The following CASS4 variants were observed in gnomAD, a reference collection of about 807,000 sequenced individuals.
The protein encoded by CASS4 is Cas scaffold protein family member 4, also known as cas scaffolding protein family member 4.
CASS4 carries 22 observed loss-of-function variants against 54.2 expected under a neutral mutation model. The observed-to-expected ratio is 0.41, with a 90% CI of 0.29 to 0.58. CASS4 has a LOEUF of 0.58. Among genes scored for constraint, CASS4 ranks in the 20% least tolerant of loss-of-function variants. The probability of loss-of-function intolerance (pLI) is 0.36; values close to 1 mark genes in which losing one functional copy is unlikely to be tolerated. For missense variants in CASS4, 854 were observed against 986.7 expected (o/e 0.87, Z 1.80); for synonymous variants, 409 against 391.5 (o/e 1.04, Z -0.53).
At chr20:56,441,196 G>C (rs1462502311) in intron 2 of CASS4, among the ~76,000 whole-genome samples, 1 of 151,462 alleles carries the variant, frequency 6.6e-6, no homozygotes, top group African/African-American at 2.4e-5. Context: ...GTTTCGCCAT[G>C]TTGGCCAGGC....
intron 1 of CASS4, among the ~76,000 whole-genome samples, chr20:56,423,030 G>A (rs929001706): frequency 1.3e-5 from 2 of 152,138 alleles, no homozygotes; most frequent in Non-Finnish European, 2.9e-5. Context: ...CCCCATGGCT[G>A]GGGTGGCAGG....
chr20:56,448,531 A>T (rs1009389969), intron 3 of CASS4, among the ~76,000 whole-genome samples: 1 of 152,066 alleles, frequency 6.6e-6, no homozygotes, highest in South Asian at 2.1e-4. Flanking sequence ...TCCCATGGGA[A>T]CACTTGATGG....
At chr20:56,420,818 T>A (rs1291407187) in intron 1 of CASS4, among the ~76,000 whole-genome samples, 2 of 152,052 alleles carry the variant, frequency 1.3e-5, no homozygotes, top group Non-Finnish European at 2.9e-5. Flanking sequence ...GTGAGGTGAA[T>A]TGCCAGCCAC....
At chr20:56,433,721 T>C (rs1157152404) in intron 1 of CASS4, among the ~76,000 whole-genome samples, 1 of 152,176 alleles carries the variant, frequency 6.6e-6, no homozygotes, top group African/African-American at 2.4e-5. Context: ...TTCAATGTCA[T>C]CTCATACACT....
upstream of CASS4, chr20:56,412,163 A>G: frequency 2.3e-6 from 1 of 430,252 alleles, no homozygotes; most frequent in Non-Finnish European, 4.2e-6. The surrounding 1 kb of genome is among the most constrained non-coding windows in gnomAD (Gnocchi z 4.2). Flanking sequence ...TCACATAGCA[A>G]ATGAGTGACA....
rs781391496 is a variant in CASS4 at position 56,452,039 on chromosome 20, G to A, written c.863G>A (p.Arg288Lys). 3 of 1,614,126 alleles carry A rather than the reference G, an allele frequency of 1.9e-6. No individual in the cohort carries two copies. Among genetic ancestry groups the A allele is most frequent in the Non-Finnish European group, 2.5e-6 (3 of 1,180,018 alleles). ...TFYNPPSGRSRSLTPQLNNNV... is the reference protein window; with the variant it reads ...TFYNPPSGRSKSLTPQLNNNV... ...TACAATCCTCCAAGTGGCAGATCCA[G>A]GTCCCTCACTCCACAACTGAATAAC... The change falls in exon 5 of 6, where the codon AGG (arginine) becomes AAG (lysine). Residue 288 changes from arginine (R) to lysine (K), a missense_variant. By Grantham distance (26) the Arg-to-Lys change is conservative (BLOSUM62 2). Coordinates refer to ENST00000679887, the MANE Select transcript of CASS4 (RefSeq NM_020356.4).
At chr20:56,424,756 A>AAAAAT (rs1979563039) in intron 1 of CASS4, among the ~76,000 whole-genome samples, 1 of 151,716 alleles carries the variant, frequency 6.6e-6, no homozygotes, top group South Asian at 2.1e-4. Flanking sequence ...AAAAAAAAAA[A>AAAAAT]AAAAAAATCA....
intron 1 of CASS4, among the ~76,000 whole-genome samples, chr20:56,433,030 A>C (rs62209422): frequency 3.9e-5 from 6 of 152,230 alleles, no homozygotes; most frequent in Non-Finnish European, 7.3e-5. Context: ...TTCATTCATT[A>C]ATTCAACAAG....
At chr20:56,416,321 A>G (rs1239578734) in intron 1 of CASS4, among the ~76,000 whole-genome samples, 8 of 152,218 alleles carry the variant, frequency 5.3e-5, no homozygotes. Context: ...AAGTGCTGGG[A>G]TTACAGGCGT....
Position 56,437,123 on chromosome 20 carries a change from G to A in CASS4, c.37-41G>A, listed in dbSNP as rs746148078. ...GATTGGAGTAGCAGTCACTGGCCACGGTGCTAACTGCAAATTCTCTTCTCC... is the reference window on the plus strand; with the variant it reads ...GATTGGAGTAGCAGTCACTGGCCACAGTGCTAACTGCAAATTCTCTTCTCC... On this transcript the variant is annotated intron_variant, in intron 1 of 5. Transcript: ENST00000679887. This position sits in a 1 kb window ranked among gnomAD's most constrained non-coding sequence, Gnocchi z 4.7. 34 of 1,498,516 alleles carry A rather than the reference G, an allele frequency of 2.3e-5. No homozygotes were observed. Among genetic ancestry groups the A allele is most frequent in the African/African-American group, 2.8e-5 (2 of 71,440 alleles). 92.8% of individuals were successfully genotyped at this position (1,498,516 alleles called of 1,614,324 possible). A position where few individuals can be genotyped will look rare whatever the true frequency, so the allele number is the denominator to read the frequency against.
At chr20:56,426,216 A>G (rs1209417705) in intron 1 of CASS4, among the ~76,000 whole-genome samples, 1 of 152,206 alleles carries the variant, frequency 6.6e-6, no homozygotes, top group African/African-American at 2.4e-5. Flanking sequence ...TTGATCGCTG[A>G]ACTACCTTAA....
At chr20:56,449,634 A>G (rs1011068081) in intron 3 of CASS4, among the ~76,000 whole-genome samples, 2 of 152,056 alleles carry the variant, frequency 1.3e-5, no homozygotes, top group Non-Finnish European at 2.9e-5. Context: ...TATTAAACTA[A>G]TTACACAGAT....
chr20:56,456,518 C>T lies in CASS4; in HGVS notation c.1954-1822C>T, dbSNP rs375413281. The stretch of plus-strand genomic sequence containing the variant: ...CCTCCTGAGTAGCTGGGACTACAGG[C>T]GCCTGCCACCACACCCGGCTAATTT... On this transcript the variant is annotated intron_variant, in intron 5 of 5. Transcript: ENST00000679887. 3.3e-5 allele frequency among the ~76,000 whole-genome samples: 5 copies of T among 151,878 alleles called. No individual in the cohort carries two copies. In the South Asian group the frequency reaches 6.2e-4, roughly 19 times the overall value.
Position 56,451,606 on chromosome 20 carries a change from C to T in CASS4, c.643-213C>T, listed in dbSNP as rs6024885. Among the ~76,000 whole-genome samples the T allele has an allele frequency of 3.8e-3, 573 of 152,228 alleles. 5 individuals carry two copies. Among genetic ancestry groups the T allele is most frequent in the African/African-American group, 0.013 (557 of 41,544 alleles). Reference sequence around the variant, plus strand: ...AGGGGAAAGTAAACAGCTTGGGTGGCTGGACCTGTAAGCAGATGGTGGCAG... The same window carrying T: ...AGGGGAAAGTAAACAGCTTGGGTGGTTGGACCTGTAAGCAGATGGTGGCAG... On this transcript the variant is annotated intron_variant, in intron 4 of 5. Transcript: ENST00000679887.
At chr20:56,453,997 A>G (rs1010511584) in intron 5 of CASS4, 3 of 152,298 alleles carry the variant, frequency 2.0e-5, no homozygotes, top group African/African-American at 7.2e-5. Context: ...CCTGGCCAAC[A>G]TGATGAAACC....
chr20:56,416,401 G>A (rs1979138770), intron 1 of CASS4, among the ~76,000 whole-genome samples: 4 of 152,198 alleles, frequency 2.6e-5, no homozygotes, highest in Admixed American at 2.0e-4. Flanking sequence ...AGGAGGATAA[G>A]TGGGCTTATT....
intron 1 of CASS4, among the ~76,000 whole-genome samples, chr20:56,432,460 T>C (rs193177403): frequency 6.4e-4 from 92 of 144,786 alleles, no homozygotes; most frequent in South Asian, 2.5e-3. Context: ...CTCCACCTCC[T>C]GGGCTCAAGC....
At chr20:56,424,528 G>GTCA (rs1275503440) in intron 1 of CASS4, among the ~76,000 whole-genome samples, 1 of 152,020 alleles carries the variant, frequency 6.6e-6, no homozygotes, top group Admixed American at 6.6e-5. Context: ...ATCATCTGAG[G>GTCA]TCAGGAGTTC....
chr20:56,429,605 A>AC (rs1056751422), intron 1 of CASS4, among the ~76,000 whole-genome samples: 4 of 151,974 alleles, frequency 2.6e-5, no homozygotes, highest in African/African-American at 9.7e-5. Context: ...ATGCGCCCCC[A>AC]ACACATACAT....
Sources: gnomAD v4.1 joint callset for allele counts (sites outside exome capture counted in the v4.1 genomes callset) on GRCh38, gnomAD v4.1.1 for gene constraint, Gnocchi (gnomAD v3.1) non-coding constraint, MANE v1.5 for transcripts, NCBI Gene and HGNC (gene_info 2026-07-23, HGNC 2026-07-21) for gene names.